The following TNR variants were observed in gnomAD, a reference collection of about 807,000 sequenced individuals.
TNR encodes tenascin R, also known as tenascin-R.
A neutral mutation model predicts 150.4 loss-of-function variants in TNR; 45 were observed. The ratio of observed to expected loss-of-function variants is 0.30; its 90% CI spans 0.24 to 0.38. TNR has a LOEUF of 0.38. TNR is among the 10% of genes least tolerant of loss of function. The pLI is 1.00. For missense variants in TNR, 1,544 were observed against 1,759.1 expected, an observed-to-expected ratio of 0.88 and a Z score of 2.19; for synonymous variants, 687 against 678.4, an observed-to-expected ratio of 1.01 and a Z score of -0.20.
At position 175,341,227 on chromosome 1, in the gene TNR, CAT is replaced by C. The variant is rs541289896; in HGVS notation, c.3383-3550_3383-3549del. 1.1e-4 allele frequency among the ~76,000 whole-genome samples: 16 copies of C among 152,308 alleles called. No homozygotes were observed. In the East Asian group the frequency reaches 3.1e-3, roughly 29 times the overall value. ...ATCAGAAACTCGCCTCTGACCCCAACATATATCAGCTCAGTAATTTTTCCCAA... is the reference window on the plus strand; with the variant it reads ...ATCAGAAACTCGCCTCTGACCCCAACATATCAGCTCAGTAATTTTTCCCAA... On this transcript the variant is annotated intron_variant, in intron 18 of 22. Coordinates refer to ENST00000367674, the MANE Select transcript of TNR (RefSeq NM_003285.3).
At chr1:175,336,975 G>A (rs1005840374) in intron 19 of TNR, among the ~76,000 whole-genome samples, 79 of 152,084 alleles carry the variant, frequency 5.2e-4, no homozygotes, top group Non-Finnish European at 2.9e-5. Flanking sequence ...TCACTACAAC[G>A]TCCGCCTCCC....
At chr1:175,331,085 CTTTCTT>C (rs1411873529) in intron 20 of TNR, among the ~76,000 whole-genome samples, 3 of 110,670 alleles carry the variant, frequency 2.7e-5, no homozygotes, top group Non-Finnish European at 5.8e-5. Flanking sequence ...TTCCTTCTTT[CTTTCTT>C]TCTTTCTTTC....
intron 18 of TNR, among the ~76,000 whole-genome samples, chr1:175,343,968 G>A (rs1650648503): frequency 1.3e-5 from 2 of 152,132 alleles, no homozygotes; most frequent in African/African-American, 4.8e-5. Context: ...TGGACAAAAT[G>A]CACAAACAAA....
At chr1:175,490,294 A>G (rs1006648852) in intron 2 of TNR, among the ~76,000 whole-genome samples, 10 of 152,222 alleles carry the variant, frequency 6.6e-5, no homozygotes, top group South Asian at 2.1e-4. Flanking sequence ...AGGCAATACC[A>G]TTCAGGACAC....
intron 8 of TNR, among the ~76,000 whole-genome samples, chr1:175,383,547 G>C (rs1477992291): frequency 6.6e-6 from 1 of 152,312 alleles, no homozygotes; most frequent in East Asian, 1.9e-4. Flanking sequence ...ACCGGCCATG[G>C]TGCACTTTGT....
chr1:175,555,808 C>A (rs1310422261), intron 1 of TNR, among the ~76,000 whole-genome samples: 5 of 152,212 alleles, frequency 3.3e-5, no homozygotes, highest in Non-Finnish European at 5.9e-5. Flanking sequence ...CCAAGTTCAG[C>A]TTATCCCTGA....
chr1:175,512,379 T>TTTA (rs1395913587), intron 2 of TNR, among the ~76,000 whole-genome samples: 1 of 152,254 alleles, frequency 6.6e-6, no homozygotes, highest in East Asian at 1.9e-4. Flanking sequence ...GTTTTCTTTT[T>TTTA]TTATTCTCTG....
rs577408057 is a variant in TNR, at chr1:175,599,081, G to A, written c.-164-70712C>T. Among the ~76,000 whole-genome samples, 3 of 152,166 alleles carry A rather than the reference G, an allele frequency of 2.0e-5. No individual in the cohort carries two copies. The highest frequency in any genetic ancestry group is 6.5e-5 in the Admixed American group (1 of 15,290). On this transcript the variant is annotated intron_variant, in intron 1 of 22. Coordinates refer to ENST00000367674, the MANE Select transcript of TNR (RefSeq NM_003285.3). The surrounding 1 kb of genome is among the most constrained non-coding windows in gnomAD (Gnocchi z 4.7). ...TGACGGAGAGGCAGGGTGGAGCTGC[G>A]GTCTCCAGACTCCATTCCAGCCTCT...
rs76234012 is a variant in TNR, at chr1:175,566,365, C to T, written c.-164-37996G>A. On this transcript the variant is annotated intron_variant, in intron 1 of 22. Coordinates refer to ENST00000367674, the MANE Select transcript of TNR (RefSeq NM_003285.3). ...ACATGTTAAGTATGATGGACGAGAG[C>T]GGGTGGTGAAGGCAGAGAAAAGTGC... Among the ~76,000 whole-genome samples the T allele has an allele frequency of 9.2e-3, 1,399 of 152,264 alleles. 26 individuals carry two copies. The highest frequency in any genetic ancestry group is 0.031 in the African/African-American group (1,275 of 41,538).
At chr1:175,647,835 T>G (rs1301099459) in intron 1 of TNR, among the ~76,000 whole-genome samples, 1 of 152,116 alleles carries the variant, frequency 6.6e-6, no homozygotes, top group East Asian at 1.9e-4. Context: ...GTTTCTTCTT[T>G]CAATTAATTG....
chr1:175,610,815 G>T (rs552257540), intron 1 of TNR, among the ~76,000 whole-genome samples: 1 of 152,338 alleles, frequency 6.6e-6, no homozygotes, highest in South Asian at 2.1e-4. Context: ...CATAGACCAT[G>T]CCCTCTAACT....
At chr1:175,549,141 G>A (rs1021128838) in intron 1 of TNR, among the ~76,000 whole-genome samples, 13 of 152,340 alleles carry the variant, frequency 8.5e-5, no homozygotes, top group African/African-American at 2.9e-4. Flanking sequence ...CCCCTGATAG[G>A]AAGGGAACAG....
At chr1:175,674,037 T>C (rs1665780440) in intron 1 of TNR, among the ~76,000 whole-genome samples, 1 of 152,190 alleles carries the variant, frequency 6.6e-6, no homozygotes, top group African/African-American at 2.4e-5. Flanking sequence ...GCCTCAACTC[T>C]TCCCCATCCT....
At chr1:175,693,984 A>C (rs2101920625) in intron 1 of TNR, among the ~76,000 whole-genome samples, 1 of 152,386 alleles carries the variant, frequency 6.6e-6, no homozygotes, top group East Asian at 1.9e-4. Context: ...AAGTAGAAGA[A>C]TAAGCCTTCA....
chr1:175,617,674 T>C (rs1386063876), intron 1 of TNR, among the ~76,000 whole-genome samples: 2 of 152,200 alleles, frequency 1.3e-5, no homozygotes, highest in South Asian at 4.1e-4. Flanking sequence ...GTTTGTGCGT[T>C]AAAGTCTGAG....
At chr1:175,670,498 ATTGC>A (rs1329894625) in intron 1 of TNR, among the ~76,000 whole-genome samples, 1 of 152,210 alleles carries the variant, frequency 6.6e-6, no homozygotes, top group Non-Finnish European at 1.5e-5. Flanking sequence ...CAATCTGGTA[ATTGC>A]TTGTACATTT....
intron 12 of TNR, 126 bp from the exon 13 acceptor site, chr1:175,363,953 A>G: frequency 8.4e-7 from 1 of 1,186,444 alleles, no homozygotes; most frequent in Non-Finnish European, 1.2e-6. Flanking sequence ...CTTTCCATGT[A>G]ATAGGGTATC....
At chr1:175,564,223 G>A (rs1455352251) in intron 1 of TNR, among the ~76,000 whole-genome samples, 1 of 152,186 alleles carries the variant, frequency 6.6e-6, no homozygotes, top group Admixed American at 6.5e-5. Flanking sequence ...TGTCTTCCCT[G>A]CCAGAGGCCC....
intron 2 of TNR, among the ~76,000 whole-genome samples, chr1:175,409,812 A>G (rs1654128495): frequency 8.6e-6 from 1 of 116,692 alleles, no homozygotes; most frequent in African/African-American, 3.2e-5. Flanking sequence ...AGTACCTATT[A>G]TATGCTGGTC....
Sources: gnomAD v4.1 joint callset for allele counts (sites outside exome capture counted in the v4.1 genomes callset) on GRCh38, gnomAD v4.1.1 for gene constraint, Gnocchi (gnomAD v3.1) non-coding constraint, MANE v1.5 for transcripts, NCBI Gene and HGNC (gene_info 2026-07-23, HGNC 2026-07-21) for gene names.